The following IPCEF1 variants were observed in gnomAD, a reference collection of about 807,000 sequenced individuals.
The protein encoded by IPCEF1 is interactor protein for cytohesin exchange factors 1.
In IPCEF1, 31 loss-of-function variants were observed where a neutral mutation model predicts 50.9. The observed-to-expected ratio is 0.61, with a 90% CI of 0.46 to 0.82. IPCEF1 has a LOEUF of 0.82. Ranked by LOEUF, IPCEF1 falls within the 40% of genes least tolerant of loss-of-function variation. IPCEF1 has a pLI of 0.00. For missense variants in IPCEF1, 458 were observed against 514.0 expected (o/e 0.89, Z 1.05); for synonymous variants, 181 against 192.0 (o/e 0.94, Z 0.47).
At chr6:154,192,408 T>C (rs1290117638) in intron 10 of IPCEF1, among the ~76,000 whole-genome samples, 2 of 151,986 alleles carry the variant, frequency 1.3e-5, no homozygotes, top group African/African-American at 4.8e-5. Flanking sequence ...CACTCTTCTA[T>C]GTATATGATA....
intron 1 of IPCEF1, among the ~76,000 whole-genome samples, chr6:154,294,635 T>C (rs962714090): frequency 5.3e-5 from 8 of 152,178 alleles, no homozygotes; most frequent in Admixed American, 3.3e-4. Flanking sequence ...AACTGGGAAT[T>C]CAACCTATGA....
At position 154,287,990 on chromosome 6, in the gene IPCEF1, C is replaced by A. The variant is rs371076623; in HGVS notation, c.-18+1723G>T. 3.9e-4 allele frequency among the ~76,000 whole-genome samples: 59 copies of A among 152,306 alleles called. 1 individual carries two copies. The South Asian group carries it at 0.011, about 29-fold the overall frequency. ...TTACTGCCTGACTCATCAGTAAATG[C>A]GTATCTTTTATATACATGTTGAAAC... is the stretch of plus-strand genomic sequence containing the variant. On this transcript the variant is annotated intron_variant, in intron 2 of 11. Transcript: ENST00000367220.
Position 154,168,828 on chromosome 6 carries a change from ACTC to A in IPCEF1, c.911-718_911-716del, listed in dbSNP as rs1490655079. 6.7e-6 allele frequency among the ~76,000 whole-genome samples: 1 copy of A among 149,502 alleles called. No individual in the cohort carries two copies. The highest frequency in any genetic ancestry group is 2.0e-4 in the East Asian group (1 of 5,070). On this transcript the variant is annotated intron_variant, in intron 10 of 11. Coordinates refer to ENST00000367220, the MANE Select transcript of IPCEF1 (RefSeq NM_001130700.2). The surrounding 1 kb of genome is among the most constrained non-coding windows in gnomAD (Gnocchi z 4.1). ...ACCATGTTGCCCAGGCTGGTCTTGA[ACTC>A]CTGACTTTGGGTGATCCGCCCACCT...
intron 1 of IPCEF1, among the ~76,000 whole-genome samples, chr6:154,307,420 G>A (rs971854109): frequency 6.6e-6 from 1 of 152,148 alleles, no homozygotes; most frequent in African/African-American, 2.4e-5. Flanking sequence ...ATGCAACTGT[G>A]AGTTCTCCAT....
At position 154,328,606 on chromosome 6, in the gene IPCEF1, AT is replaced by A. The variant is rs995740626; in HGVS notation, c.-62+28065del. ...TAAAAAGAAAATTAAAAAAAAAAAA[AT>A]GTTAAGGAAATCCTTCAATGGAGAA... On this transcript the variant is annotated intron_variant, in intron 1 of 11. Transcript: ENST00000367220. Among the ~76,000 whole-genome samples, 72 of 151,912 alleles carry A rather than the reference AT, an allele frequency of 4.7e-4. No individual in the cohort carries two copies. The East Asian group carries it at 6.0e-3, about 13-fold the overall frequency.
intron 1 of IPCEF1, among the ~76,000 whole-genome samples, chr6:154,336,720 C>G (rs1483212558): frequency 6.6e-6 from 1 of 152,140 alleles, no homozygotes; most frequent in African/African-American, 2.4e-5. Flanking sequence ...CCTCCTGCCT[C>G]AGCCTCCCAG....
Position 154,156,723 on chromosome 6 carries a change from GT to G in IPCEF1, c.*3104del, listed in dbSNP as rs1434589476. On this transcript the variant is annotated 3_prime_UTR_variant, in exon 12 of 12. Transcript: ENST00000367220. Reference sequence around the variant, plus strand: ...TTGATCCTATTCTGAGATTTGAGCTGTTGTGGCAAAACTAAGAATTCTTTAA... The same window carrying G: ...TTGATCCTATTCTGAGATTTGAGCTGTGTGGCAAAACTAAGAATTCTTTAA... 4.6e-5 allele frequency: 7 copies of G among 152,176 alleles called. No individual in the cohort carries two copies. The highest frequency in any genetic ancestry group is 1.7e-4 in the African/African-American group (7 of 41,444). 9.4% of individuals were successfully genotyped at this position (152,176 alleles called of 1,614,324 possible).
intron 5 of IPCEF1, among the ~76,000 whole-genome samples, chr6:154,244,659 T>C (rs553827602): frequency 5.9e-5 from 9 of 152,306 alleles, no homozygotes; most frequent in Admixed American, 5.9e-4. Flanking sequence ...AACTCATTTC[T>C]CCTCTAAGAG....
intron 5 of IPCEF1, among the ~76,000 whole-genome samples, chr6:154,242,857 C>T (rs1780703106): frequency 6.7e-6 from 1 of 150,374 alleles, no homozygotes. Flanking sequence ...CATTGTACTC[C>T]AGCCTGGGCC....
At position 154,154,985 on chromosome 6, in the gene IPCEF1, G is replaced by A. The variant is rs982313635; in HGVS notation, c.*4843C>T. 5.3e-5 allele frequency: 8 copies of A among 151,958 alleles called. No individual in the cohort carries two copies. The highest frequency in any genetic ancestry group is 7.4e-5 in the Non-Finnish European group (5 of 67,978). The allele number at this position is 151,958 out of a possible 1,614,324, so 9.4% of individuals were successfully genotyped here. A position where few individuals can be genotyped will look rare whatever the true frequency, so the allele number is the denominator to read the frequency against. ...ATTTTACGGCATTTGCTCTTTCCAC[G>A]AGGCACACTTCCCTTTTGGGCTAAA... On this transcript the variant is annotated 3_prime_UTR_variant, in exon 12 of 12. Coordinates refer to ENST00000367220, the MANE Select transcript of IPCEF1 (RefSeq NM_001130700.2).
intron 3 of IPCEF1, among the ~76,000 whole-genome samples, chr6:154,265,341 C>T (rs1166744841): frequency 2.6e-5 from 4 of 151,604 alleles, no homozygotes; most frequent in South Asian, 4.2e-4. Flanking sequence ...AGTGCAGTGG[C>T]GCGATCTCGG....
chr6:154,244,429 A>G (rs1429124277), intron 5 of IPCEF1, among the ~76,000 whole-genome samples: 1 of 152,084 alleles, frequency 6.6e-6, no homozygotes, highest in Non-Finnish European at 1.5e-5. Flanking sequence ...TTCCCTAGCC[A>G]GATAGCGGCA....
Position 154,322,730 on chromosome 6 carries a change from A to C in IPCEF1, c.-61-32974T>G, listed in dbSNP as rs554111943. On this transcript the variant is annotated intron_variant, in intron 1 of 11. Coordinates refer to ENST00000367220, the MANE Select transcript of IPCEF1 (RefSeq NM_001130700.2). ...TGCATGTCTGTAATTCCAGCTACTC[A>C]GGAGGCTGAGGCATGAGAATCACTT... Among the ~76,000 whole-genome samples, 45 of 151,858 alleles carry C rather than the reference A, an allele frequency of 3.0e-4. 1 individual carries two copies. In the South Asian group the frequency reaches 6.7e-3, roughly 23 times the overall value.
At chr6:154,208,349 C>T (rs1777675225) in intron 9 of IPCEF1, among the ~76,000 whole-genome samples, 1 of 152,186 alleles carries the variant, frequency 6.6e-6, no homozygotes, top group Non-Finnish European at 1.5e-5. Flanking sequence ...GGCTGACTCT[C>T]ACACCACCTT....
chr6:154,275,361 A>G (rs1782029952), intron 2 of IPCEF1, among the ~76,000 whole-genome samples: 1 of 152,208 alleles, frequency 6.6e-6, no homozygotes, highest in African/African-American at 2.4e-5. Context: ...TATGAGGCCC[A>G]CTGCAATCTA....
intron 6 of IPCEF1, among the ~76,000 whole-genome samples, chr6:154,221,862 A>G (rs1778893669): frequency 1.3e-5 from 2 of 152,228 alleles, no homozygotes; most frequent in East Asian, 3.8e-4. Context: ...TGACAGAGGA[A>G]GACTCCGTCT....
In IPCEF1 at chr6:154,331,405, A is replaced by AAGAAAGAAAGAAAGAGAGAG. The variant is rs60403800; in HGVS notation, c.-62+25266_-62+25267insCTCTCTCTTTCTTTCTTTCT. 2.6e-3 allele frequency among the ~76,000 whole-genome samples: 245 copies of AAGAAAGAAAGAAAGAGAGAG among 92,996 alleles called. 2 individuals carry two copies. Among genetic ancestry groups the AAGAAAGAAAGAAAGAGAGAG allele is most frequent in the Middle Eastern group, 0.015 (3 of 194 alleles). The allele number at this position is 92,996 out of a possible 152,430, so 61.0% of individuals were successfully genotyped here. On this transcript the variant is annotated intron_variant, in intron 1 of 11. Coordinates refer to ENST00000367220, the MANE Select transcript of IPCEF1 (RefSeq NM_001130700.2). ...AAAGAAAGAAAGAAAGAAAGAAAGA[A>AAGAAAGAAAGAAAGAGAGAG]AGAGAGAGAAAAAGAAAGAGAGAGA...
intron 3 of IPCEF1, among the ~76,000 whole-genome samples, chr6:154,261,385 G>C (rs1179369130): frequency 6.6e-6 from 1 of 152,192 alleles, no homozygotes; most frequent in Non-Finnish European, 1.5e-5. Context: ...AAGCAGGCGA[G>C]TGGCATAATC....
chr6:154,248,309 G>GTA (rs1399700858), intron 3 of IPCEF1, among the ~76,000 whole-genome samples: 2 of 119,940 alleles, frequency 1.7e-5, no homozygotes, highest in African/African-American at 8.5e-5. Flanking sequence ...TAAAATACGT[G>GTA]TGTGTGTGTG....
Sources: gnomAD v4.1 joint callset for allele counts (sites outside exome capture counted in the v4.1 genomes callset) on GRCh38, gnomAD v4.1.1 for gene constraint, Gnocchi (gnomAD v3.1) non-coding constraint, MANE v1.5 for transcripts, NCBI Gene and HGNC (gene_info 2026-07-23, HGNC 2026-07-21) for gene names.